ACSBG1: variants seen among roughly 807,000 people sequenced by gnomAD.
The protein encoded by ACSBG1 is long-chain-fatty-acid--CoA ligase ACSBG1.
Under a neutral mutation model 80.2 loss-of-function variants are expected in ACSBG1, and 39 were observed. The ratio of observed to expected loss-of-function variants is 0.49; its 90% confidence interval spans 0.38 to 0.64. ACSBG1 has a LOEUF of 0.64. Among genes scored for constraint, ACSBG1 ranks in the 30% least tolerant of loss-of-function variants. The pLI is 0.00. For synonymous variants in ACSBG1, 392 were observed against 379.5 expected (o/e 1.03, Z -0.38); for missense variants, 828 against 966.4 (o/e 0.86, Z 1.90).
chr15:78,214,382 T>C (rs1313496952), intron 1 of ACSBG1, among the ~76,000 whole-genome samples: 1 of 152,158 alleles, frequency 6.6e-6, no homozygotes, highest in Admixed American at 6.5e-5. Flanking sequence ...GAGGTTTGGA[T>C]GAGGTGAAAA....
At chr15:78,203,194 C>A (rs2075184098) in intron 2 of ACSBG1, among the ~76,000 whole-genome samples, 1 of 152,184 alleles carries the variant, frequency 6.6e-6, no homozygotes, top group Non-Finnish European at 1.5e-5. Flanking sequence ...ACCATCAGCT[C>A]TGTCCCATGC....
chr15:78,192,280 G>C (rs1042203914), intron 5 of ACSBG1, among the ~76,000 whole-genome samples: 7 of 151,960 alleles, frequency 4.6e-5, no homozygotes, highest in African/African-American at 1.7e-4. Flanking sequence ...GGTGACCTCT[G>C]CGGCTGTCAC....
intron 5 of ACSBG1, among the ~76,000 whole-genome samples, chr15:78,187,961 A>G (rs968483803): frequency 3.9e-5 from 6 of 152,180 alleles, no homozygotes; most frequent in African/African-American, 1.4e-4. Flanking sequence ...TAAGCTGATA[A>G]GCAACTTCAG....
rs963126411 is a variant in ACSBG1, at chr15:78,205,225, C to T, written c.232+2777G>A. Among the ~76,000 whole-genome samples the T allele has an allele frequency of 6.6e-5, 10 of 152,216 alleles. 1 individual carries two copies. The highest frequency in any genetic ancestry group is 3.4e-3 in the Middle Eastern group (1 of 294). ...GTGTGAAGGTCAGATTCCAGTGTCT[C>T]GGTGGCCTGACTTCGCACAGCTGCT... is the stretch of plus-strand genomic sequence containing the variant. On this transcript the variant is annotated intron_variant, in intron 2 of 13. Transcript: ENST00000258873.
intron 11 of ACSBG1, among the ~76,000 whole-genome samples, chr15:78,176,599 A>G (rs1479377585): frequency 6.6e-6 from 1 of 152,174 alleles, no homozygotes; most frequent in Non-Finnish European, 1.5e-5. Context: ...CTTAGAAGTA[A>G]ATATAAGGAA....
intron 1 of ACSBG1, among the ~76,000 whole-genome samples, chr15:78,222,378 G>T (rs568928442): frequency 6.6e-6 from 1 of 152,200 alleles, no homozygotes; most frequent in African/African-American, 2.4e-5. Context: ...AATTAAGGTT[G>T]TAAGGCTGGA....
chr15:78,217,534 T>A (rs750345773), intron 1 of ACSBG1, among the ~76,000 whole-genome samples: 14 of 151,806 alleles, frequency 9.2e-5, no homozygotes, highest in Non-Finnish European at 1.8e-4. Context: ...AACCCCTGCA[T>A]CCACCATTCA....
chr15:78,196,708 C>G (rs1260070093), intron 2 of ACSBG1, among the ~76,000 whole-genome samples: 1 of 152,054 alleles, frequency 6.6e-6, no homozygotes, highest in East Asian at 1.9e-4. Context: ...TTGAAACAAC[C>G]CAAATGTCCA....
chr15:78,223,255 A>G (rs1161856363), intron 1 of ACSBG1, among the ~76,000 whole-genome samples: 1 of 116,730 alleles, frequency 8.6e-6, no homozygotes, highest in Non-Finnish European at 1.6e-5. Flanking sequence ...ATGAGAGCAC[A>G]TGGACATAGG....
At chr15:78,185,695 T>C (rs1306788084) in intron 5 of ACSBG1, among the ~76,000 whole-genome samples, 1 of 151,858 alleles carries the variant, frequency 6.6e-6, no homozygotes, top group Non-Finnish European at 1.5e-5. Flanking sequence ...AAAACCACCT[T>C]AGGATACAAC....
At chr15:78,202,921 A>C (rs913328079) in intron 2 of ACSBG1, among the ~76,000 whole-genome samples, 1 of 152,204 alleles carries the variant, frequency 6.6e-6, no homozygotes, top group African/African-American at 2.4e-5. Context: ...CCAACAGGGG[A>C]CTGGTCTCTT....
In ACSBG1 at chr15:78,177,907, T is replaced by C. The variant is rs1475236425; in HGVS notation, c.1702+707A>G. On this transcript the variant is annotated intron_variant, in intron 11 of 13. Coordinates refer to ENST00000258873, the MANE Select transcript of ACSBG1 (RefSeq NM_015162.5). The surrounding 1 kb of genome is among the most constrained non-coding windows in gnomAD (Gnocchi z 4.1). The stretch of plus-strand genomic sequence containing the variant: ...GCATCCCCAACTATTTCTGTCTCTG[T>C]GGGAAGTTTGTCTTATTTTAAATTT... Among the ~76,000 whole-genome samples, 9 of 152,218 alleles carry C rather than the reference T, an allele frequency of 5.9e-5. No homozygotes were observed. Among genetic ancestry groups the C allele is most frequent in the Admixed American group, 5.9e-4 (9 of 15,288 alleles).
rs1354123361 is a variant in ACSBG1, at chr15:78,234,427, T to C, written c.75A>G (p.Pro25=). 1.9e-6 allele frequency: 3 copies of C among 1,613,190 alleles called. No individual in the cohort carries two copies. Among genetic ancestry groups the C allele is most frequent in the Non-Finnish European group, 2.5e-6 (3 of 1,180,030 alleles). ...DPSMLDSRET[P]QESRQDMIVR... The stretch of plus-strand genomic sequence containing the variant: ...CAATCATGTCCTGCCGGCTCTCCTG[T>C]GGGGTCTCTCTGCTGTCCAGCATGC... Residue 25 remains proline (P), a synonymous_variant, in exon 1 of 14, where the codon CCA becomes CCG. Coordinates refer to ENST00000258873, the MANE Select transcript of ACSBG1 (RefSeq NM_015162.5).
At chr15:78,219,561 C>T (rs28454342) in intron 1 of ACSBG1, among the ~76,000 whole-genome samples, 30,353 of 152,120 alleles carry the variant, frequency 0.2, 3,091 homozygotes, top group Non-Finnish European at 0.22. Flanking sequence ...ATCTCATGAT[C>T]GAGAGACTTA....
chr15:78,178,606 G>T lies in ACSBG1; in HGVS notation c.1702+8C>A, dbSNP rs775449753. On this transcript the variant is annotated splice_region_variant and intron_variant, in intron 11 of 13. Coordinates refer to ENST00000258873, the MANE Select transcript of ACSBG1 (RefSeq NM_015162.5). The surrounding 1 kb of genome is among the most constrained non-coding windows in gnomAD (Gnocchi z 4.3). The stretch of plus-strand genomic sequence containing the variant: ...CATGAGCCACCGTGCCTGGCCTGGG[G>T]TGCTCACCTTTGAGGCGCCCAGTGA... The T allele has an allele frequency of 4.4e-6, 7 of 1,602,876 alleles. No homozygotes were observed. The Admixed American group carries it at 5.0e-5, about 12-fold the overall frequency.
At chr15:78,232,127 G>A (rs1286862162) in intron 1 of ACSBG1, among the ~76,000 whole-genome samples, 1 of 152,134 alleles carries the variant, frequency 6.6e-6, no homozygotes, top group Non-Finnish European at 1.5e-5. Flanking sequence ...TGCCTGTGAT[G>A]GGTAACTCTT....
intron 1 of ACSBG1, among the ~76,000 whole-genome samples, chr15:78,219,293 A>G (rs2075340208): frequency 6.6e-6 from 1 of 151,878 alleles, no homozygotes; most frequent in South Asian, 2.1e-4. Flanking sequence ...CTGTGATCCC[A>G]GCTACTTGGG....
At chr15:78,204,299 G>A (rs1260754740) in intron 2 of ACSBG1, among the ~76,000 whole-genome samples, 2 of 152,208 alleles carry the variant, frequency 1.3e-5, no homozygotes, top group African/African-American at 4.8e-5. Flanking sequence ...TGGACCACCG[G>A]GGTAAGGGAC....
chr15:78,222,762 G>A (rs1218340302), intron 1 of ACSBG1, among the ~76,000 whole-genome samples: 1 of 152,126 alleles, frequency 6.6e-6, no homozygotes, highest in African/African-American at 2.4e-5. Flanking sequence ...AATGATAACT[G>A]ACTTTTCCTA....
Sources: gnomAD v4.1 joint callset for allele counts (sites outside exome capture counted in the v4.1 genomes callset) on GRCh38, gnomAD v4.1.1 for gene constraint, Gnocchi (gnomAD v3.1) non-coding constraint, MANE v1.5 for transcripts, NCBI Gene and HGNC (gene_info 2026-07-23, HGNC 2026-07-21) for gene names.